Variants in CDHR2 observed in about 807,000 individuals in gnomAD.
CDHR2 encodes cadherin-related family member 2.
Under a neutral mutation model 138.6 loss-of-function variants are expected in CDHR2, and 104 were observed. The observed-to-expected ratio is 0.75, with a 90% CI of 0.64 to 0.88. CDHR2 has a LOEUF of 0.88. Ranked by LOEUF, CDHR2 falls within the 40% of genes least tolerant of loss-of-function variation. CDHR2 has a pLI of 0.00. For missense variants in CDHR2, 1,624 were observed against 1,727.6 expected (o/e 0.94, Z 1.06); for synonymous variants, 755 against 742.8 (o/e 1.02, Z -0.27).
chr5:176,587,405 G>T (rs928405173), intron 21 of CDHR2, among the ~76,000 whole-genome samples: 1 of 151,956 alleles, frequency 6.6e-6, no homozygotes, highest in Non-Finnish European at 1.5e-5. Context: ...TCGAGATCAC[G>T]CCATTGCACT....
chr5:176,557,604 C>T (rs1205489304), intron 1 of CDHR2, among the ~76,000 whole-genome samples: 3 of 125,540 alleles, frequency 2.4e-5, no homozygotes, highest in Non-Finnish European at 3.2e-5. Flanking sequence ...CTTGCTCTGT[C>T]GCCCGGGCTG....
intron 4 of CDHR2, 28 bp from the exon 5 acceptor site, chr5:176,568,932 A>G (rs991507400): frequency 5.0e-6 from 8 of 1,613,356 alleles, no homozygotes; most frequent in Non-Finnish European, 6.8e-6. Context: ...GGGGCTCACC[A>G]CCGGCCCCTT....
upstream of CDHR2, among the ~76,000 whole-genome samples, chr5:176,546,705 GAGGTC>G (rs1489246672): frequency 7.1e-6 from 1 of 140,808 alleles, no homozygotes; most frequent in East Asian, 2.1e-4. Flanking sequence ...TGGGTCACCT[GAGGTC>G]AGGAGTTTGA....
intron 1 of CDHR2, among the ~76,000 whole-genome samples, chr5:176,551,128 C>T (rs1757695253): frequency 6.6e-6 from 1 of 152,208 alleles, no homozygotes; most frequent in Non-Finnish European, 1.5e-5. Context: ...CCTGCCTCAG[C>T]CTCCTGACTA....
At chr5:176,556,266 G>T (rs1034871314) in intron 1 of CDHR2, among the ~76,000 whole-genome samples, 1 of 152,240 alleles carries the variant, frequency 6.6e-6, no homozygotes, top group African/African-American at 2.4e-5. Context: ...CACTTTAGGA[G>T]GCCGAGATGG....
At chr5:176,570,172 CT>C (rs1758189987) in intron 5 of CDHR2, among the ~76,000 whole-genome samples, 1 of 152,150 alleles carries the variant, frequency 6.6e-6, no homozygotes, top group South Asian at 2.1e-4. Context: ...AGCGATTGAG[CT>C]TAGAGCTCTC....
Position 176,576,101 on chromosome 5 carries a change from G to C in CDHR2, c.1110G>C (p.Val370=). 6.2e-7 allele frequency: 1 copy of C among 1,614,128 alleles called. No homozygotes were observed. The highest frequency in any genetic ancestry group is 8.5e-7 in the Non-Finnish European group (1 of 1,180,036). ...ACTFTPEEAQ[V]NFTGYVDEHA... ...CCTTCACCCCCGAAGAGGCCCAAGTGAACTTCACTGGCTACGTGGACGAGC... is the reference window on the plus strand; with the variant it reads ...CCTTCACCCCCGAAGAGGCCCAAGTCAACTTCACTGGCTACGTGGACGAGC... Residue 370 remains valine, a synonymous_variant, in exon 12 of 32, where the codon GTG becomes GTC. Coordinates refer to ENST00000261944, the MANE Select transcript of CDHR2 (RefSeq NM_017675.6). This position sits in a 1 kb window ranked among gnomAD's most constrained non-coding sequence, Gnocchi z 4.5.
In CDHR2 at chr5:176,584,442, G is replaced by T. The variant is rs116786975; in HGVS notation, c.2161G>T (p.Ala721Ser). The T allele has an allele frequency of 1.9e-6, 3 of 1,602,814 alleles. No individual in the cohort carries two copies. Among genetic ancestry groups the T allele is most frequent in the Non-Finnish European group, 1.7e-6 (2 of 1,173,264 alleles). ...AGTGGGCGTGGTGAAGGCCTGGGAC[G>T]CGGACCAGACGGAAGCCAACAACCG... is the stretch of plus-strand genomic sequence containing the variant. ...VLVGVVKAWD[A>S]DQTEANNRIS... is the part of the protein sequence containing the mutation. The change falls in exon 19 of 32, where the codon GCG (alanine) becomes TCG (serine). Residue 721 changes from alanine (A) to serine (S), a missense_variant. Physicochemically the swap from Ala to Ser is moderately conservative, Grantham distance 99. Coordinates refer to ENST00000261944, the MANE Select transcript of CDHR2 (RefSeq NM_017675.6).
Position 176,581,490 on chromosome 5 carries a change from G to C in CDHR2, c.1966G>C (p.Ala656Pro). ...CCTGGACAGAGAGGCCATCGACCCC[G>C]CCCTGGAGGGCCGCATTGTGCTGAC... ...GPLDREAIDP[A>P]LEGRIVLTVL... Residue 656 changes from alanine (A) to proline (P), a missense_variant, in exon 17 of 32, where the codon GCC (alanine) becomes CCC (proline). This residue lies in a region of CDHR2 where 1,061 missense variants were observed against 1,136.6 expected (regional missense o/e 0.93). Transcript: ENST00000261944. 1 of 1,614,130 alleles carries C rather than the reference G, an allele frequency of 6.2e-7. No homozygotes were observed. The highest frequency in any genetic ancestry group is 1.3e-5 in the African/African-American group (1 of 75,058).
rs897832686 is a variant in CDHR2 at position 176,553,985 on chromosome 5, T to A, written c.-16+4571T>A. Among the ~76,000 whole-genome samples, 1 of 152,222 alleles carries A rather than the reference T, an allele frequency of 6.6e-6. No individual in the cohort carries two copies. Among genetic ancestry groups the A allele is most frequent in the Non-Finnish European group, 1.5e-5 (1 of 68,034 alleles). On this transcript the variant is annotated intron_variant, in intron 1 of 31. Coordinates refer to ENST00000261944, the MANE Select transcript of CDHR2 (RefSeq NM_017675.6). This position sits in a 1 kb window ranked among gnomAD's most constrained non-coding sequence, Gnocchi z 4.3. ...TCGCTGTCCCTGTCTCACTGAGGAC[T>A]GTGGCTCAGCACTGCTGGGGGTTCT... is the stretch of plus-strand genomic sequence containing the variant.
At chr5:176,557,281 C>T (rs1389949047) in intron 1 of CDHR2, among the ~76,000 whole-genome samples, 1 of 152,170 alleles carries the variant, frequency 6.6e-6, no homozygotes, top group East Asian at 1.9e-4. Flanking sequence ...TCATGGCTCC[C>T]TGCAGCCTCA....
At chr5:176,560,000 G>A (rs1757929392) in intron 1 of CDHR2, among the ~76,000 whole-genome samples, 1 of 152,194 alleles carries the variant, frequency 6.6e-6, no homozygotes, top group African/African-American at 2.4e-5. Flanking sequence ...CAGGTCTGAA[G>A]GCAAGGCGCT....
chr5:176,552,854 C>A (rs1216537313), intron 1 of CDHR2, among the ~76,000 whole-genome samples: 1 of 152,218 alleles, frequency 6.6e-6, no homozygotes, highest in Non-Finnish European at 1.5e-5. Context: ...TGGGCAGGAA[C>A]CCTGGCCTCC....
chr5:176,564,029 G>T (rs1244970487), intron 1 of CDHR2, among the ~76,000 whole-genome samples: 1 of 152,094 alleles, frequency 6.6e-6, no homozygotes, highest in Non-Finnish European at 1.5e-5. Flanking sequence ...AAAGAAAAAA[G>T]TATACAGTAA....
At chr5:176,564,418 C>T (rs1758036527) in intron 1 of CDHR2, among the ~76,000 whole-genome samples, 3 of 152,156 alleles carry the variant, frequency 2.0e-5, no homozygotes, top group Admixed American at 6.5e-5. Context: ...GAACTCCTGA[C>T]CTCAGGTGAT....
chr5:176,557,970 T>C (rs1757879270), intron 1 of CDHR2, among the ~76,000 whole-genome samples: 1 of 152,148 alleles, frequency 6.6e-6, no homozygotes, highest in South Asian at 2.1e-4. Context: ...CCTCCCAAAG[T>C]GCTGGGATTG....
intron 20 of CDHR2, 125 bp from the exon 21 acceptor site, chr5:176,586,668 C>T (rs531274955): frequency 1.9e-5 from 15 of 784,708 alleles, no homozygotes; most frequent in Non-Finnish European, 3.0e-5. Flanking sequence ...TAATAGGGGT[C>T]TCTTTTGGTA....
At chr5:176,577,992 C>T (rs1758436870) in intron 14 of CDHR2, 42 bp from the exon 15 acceptor site, 1 of 1,579,520 alleles carries the variant, frequency 6.3e-7, no homozygotes, top group South Asian at 1.1e-5. Flanking sequence ...GCGGTGCGTG[C>T]ATCGCCTCCA....
Position 176,576,179 on chromosome 5 carries a change from G to A in CDHR2, c.1188G>A (p.Pro396=), listed in dbSNP as rs147274233. ...IDDLTMVVYD[P]DKGSNGTFLL... ...ACCTCACCATGGTGGTCTACGACCC[G>A]GACAAGGCAGGCGTGGTGGCGTGGG... The change falls in exon 12 of 32, where the codon CCG becomes CCA. Residue 396 remains proline (P), a synonymous_variant. Transcript: ENST00000261944. The surrounding 1 kb of genome is among the most constrained non-coding windows in gnomAD (Gnocchi z 4.5). 1.3e-3 allele frequency: 2,126 copies of A among 1,610,468 alleles called. 1 individual carries two copies. The highest frequency in any genetic ancestry group is 1.7e-3 in the Non-Finnish European group (2,011 of 1,179,186).
Sources: allele counts gnomAD v4.1 joint callset (sites outside exome capture counted in the v4.1 genomes callset), GRCh38; gene constraint gnomAD v4.1.1; regional missense constraint gnomAD v4.1.1; non-coding constraint Gnocchi (gnomAD v3.1); transcripts MANE v1.5; gene names NCBI Gene and HGNC (gene_info 2026-07-23, HGNC 2026-07-21).